The following LEKR1 variants were observed in gnomAD, a reference collection of about 807,000 sequenced individuals.
LEKR1 encodes the protein leucine, glutamate and lysine rich 1, also known as protein LEKR1.
A neutral mutation model predicts 72.4 loss-of-function variants in LEKR1; 59 were observed. The ratio of observed to expected loss-of-function variants is 0.82; its 90% CI spans 0.66 to 1.01. LEKR1 has a LOEUF of 1.01. LEKR1 is among the 50% of genes least tolerant of loss of function. The probability of loss-of-function intolerance (pLI) is 0.00; values close to 1 mark genes in which losing one functional copy is unlikely to be tolerated. For synonymous variants in LEKR1, 257 were observed against 263.2 expected (o/e 0.98, Z 0.23); for missense variants, 728 against 759.2 (o/e 0.96, Z 0.48).
chr3:156,874,143 T>G (rs1238347084), intron 3 of LEKR1, among the ~76,000 whole-genome samples: 1 of 152,118 alleles, frequency 6.6e-6, no homozygotes, highest in Non-Finnish European at 1.5e-5. Flanking sequence ...CTCTATTATT[T>G]AAGCTTTCAA....
intron 9 of LEKR1, among the ~76,000 whole-genome samples, chr3:156,995,565 C>T (rs1368459557): frequency 1.3e-5 from 2 of 152,180 alleles, no homozygotes; most frequent in Non-Finnish European, 2.9e-5. Flanking sequence ...GACACGGTGG[C>T]TCACACCTGT....
chr3:156,873,083 A>G (rs1718146467), intron 3 of LEKR1, among the ~76,000 whole-genome samples: 1 of 151,966 alleles, frequency 6.6e-6, no homozygotes, highest in Admixed American at 6.6e-5. Context: ...TCAATCTAAA[A>G]TTTGCTTTAT....
chr3:157,031,133 G>A (rs539315610), intron 12 of LEKR1, among the ~76,000 whole-genome samples: 51 of 152,088 alleles, frequency 3.4e-4, no homozygotes, highest in Non-Finnish European at 1.0e-4. Context: ...ACAGGGCTTC[G>A]GGAGGTGATT....
chr3:156,957,425 T>G (rs976989722), intron 6 of LEKR1, among the ~76,000 whole-genome samples: 3 of 151,942 alleles, frequency 2.0e-5, no homozygotes, highest in Non-Finnish European at 4.4e-5. Flanking sequence ...TTTTTTCTCT[T>G]TTAAATTTTT....
At chr3:156,864,313 A>T (rs956814303) in intron 3 of LEKR1, among the ~76,000 whole-genome samples, 1 of 151,732 alleles carries the variant, frequency 6.6e-6, no homozygotes, top group African/African-American at 2.4e-5. Context: ...AGCTGGAAAA[A>T]CTCCTAATGT....
At chr3:156,945,507 A>G (rs947825282) in intron 6 of LEKR1, among the ~76,000 whole-genome samples, 9 of 151,680 alleles carry the variant, frequency 5.9e-5, no homozygotes, top group Admixed American at 5.9e-4. Flanking sequence ...GTGGGGTATT[A>G]CTCAAGAAAC....
At chr3:157,010,626 G>A (rs545050606) in intron 9 of LEKR1, among the ~76,000 whole-genome samples, 8 of 152,144 alleles carry the variant, frequency 5.3e-5, no homozygotes, top group Admixed American at 4.6e-4. Flanking sequence ...CACATACATA[G>A]AACATGAGAA....
chr3:156,871,683 T>G (rs1164295078), intron 3 of LEKR1, among the ~76,000 whole-genome samples: 1 of 152,222 alleles, frequency 6.6e-6, no homozygotes, highest in South Asian at 2.1e-4. Context: ...ATTGTCGTTT[T>G]GATTTGCATT....
At chr3:156,891,675 C>T (rs1576755489) in intron 3 of LEKR1, among the ~76,000 whole-genome samples, 1 of 152,078 alleles carries the variant, frequency 6.6e-6, no homozygotes, top group South Asian at 2.1e-4. Context: ...GAGTTATAAC[C>T]ATCCTTTGGC....
intron 9 of LEKR1, among the ~76,000 whole-genome samples, chr3:157,007,346 G>A (rs1732535539): frequency 6.6e-6 from 1 of 152,186 alleles, no homozygotes; most frequent in Non-Finnish European, 1.5e-5. Context: ...GGCCAACCCA[G>A]ATAATGAAAA....
Position 157,045,403 on chromosome 3 carries a change from T to G in LEKR1, c.1732T>G (p.Leu578Val). Reference sequence around the variant, plus strand: ...AGAACGCTTTGAACTGACAGAGGCTTTGAGTCAAGCCAGAGAACAGCTCCT... The same window carrying G: ...AGAACGCTTTGAACTGACAGAGGCTGTGAGTCAAGCCAGAGAACAGCTCCT... ...CEERFELTEA[L>V]SQAREQLLEL... The change falls in exon 13 of 13, where the codon TTG (leucine) becomes GTG (valine). Residue 578 changes from leucine (L) to valine (V), a missense_variant. Physicochemically the swap from Leu to Val is conservative, Grantham distance 32. Coordinates refer to ENST00000356539, the MANE Select transcript of LEKR1 (RefSeq NM_001004316.3). 1 of 1,614,098 alleles carries G rather than the reference T, an allele frequency of 6.2e-7. No individual in the cohort carries two copies.
intron 2 of LEKR1, among the ~76,000 whole-genome samples, chr3:156,847,096 C>A (rs1272191248): frequency 6.6e-6 from 1 of 152,126 alleles, no homozygotes; most frequent in Non-Finnish European, 1.5e-5. Flanking sequence ...GTGTAAGCTA[C>A]CATGCTTGGC....
Position 156,993,128 on chromosome 3 carries a change from A to G in LEKR1, c.960A>G (p.Ile320Met), listed in dbSNP as rs768885162. The G allele has an allele frequency of 1.2e-5, 19 of 1,612,282 alleles. No homozygotes were observed. Among genetic ancestry groups the G allele is most frequent in the South Asian group, 9.9e-5 (9 of 90,960 alleles). ...ACTCTTTAATGACTTGTCAACAGATATATAAAGCATTACAGGAAGAGCTGA... is the reference window on the plus strand; with the variant it reads ...ACTCTTTAATGACTTGTCAACAGATGTATAAAGCATTACAGGAAGAGCTGA... ...KEDSLMTCQQ[I>M]YKALQEELTV... Residue 320 changes from isoleucine to methionine, a missense_variant, in exon 9 of 13, where the codon ATA (isoleucine) becomes ATG (methionine). By Grantham distance (10) the Ile-to-Met change is conservative (BLOSUM62 1). Coordinates refer to ENST00000356539, the MANE Select transcript of LEKR1 (RefSeq NM_001004316.3).
chr3:156,946,902 C>T (rs1434992659), intron 6 of LEKR1, among the ~76,000 whole-genome samples: 1 of 150,910 alleles, frequency 6.6e-6, no homozygotes, highest in African/African-American at 2.4e-5. Context: ...CTCATAGTAG[C>T]CTCTAATGAT....
chr3:156,935,172 G>C (rs376846414), intron 5 of LEKR1, among the ~76,000 whole-genome samples: 6 of 152,132 alleles, frequency 3.9e-5, no homozygotes, highest in Non-Finnish European at 7.4e-5. Context: ...TACCATTATA[G>C]TATATCACTT....
At chr3:156,976,797 A>G (rs1310751537) in intron 6 of LEKR1, among the ~76,000 whole-genome samples, 1 of 152,222 alleles carries the variant, frequency 6.6e-6, no homozygotes, top group Non-Finnish European at 1.5e-5. Flanking sequence ...TTTGAATTAT[A>G]GGATCTAACT....
intron 2 of LEKR1, among the ~76,000 whole-genome samples, chr3:156,846,129 A>C (rs1171290598): frequency 6.6e-6 from 1 of 152,126 alleles, no homozygotes; most frequent in Non-Finnish European, 1.5e-5. Flanking sequence ...TCAGGTGCTC[A>C]CTGGGTATAT....
intron 3 of LEKR1, among the ~76,000 whole-genome samples, chr3:156,861,438 T>C (rs2108542158): frequency 6.6e-6 from 1 of 152,270 alleles, no homozygotes; most frequent in South Asian, 2.1e-4. Context: ...GTAGTTCTTA[T>C]GGGATGGGGC....
chr3:157,004,513 T>C (rs1007616753), intron 9 of LEKR1, among the ~76,000 whole-genome samples: 2 of 152,098 alleles, frequency 1.3e-5, no homozygotes, highest in Admixed American at 1.3e-4. Flanking sequence ...AACAGCAGAA[T>C]ACACATTTTC....
Sources: allele counts gnomAD v4.1 joint callset (sites outside exome capture counted in the v4.1 genomes callset), GRCh38; gene constraint gnomAD v4.1.1; transcripts MANE v1.5; gene names NCBI Gene and HGNC (gene_info 2026-07-23, HGNC 2026-07-21).